TYR: variants seen among roughly 807,000 people sequenced by gnomAD.
The protein encoded by TYR is LB24-AB.
Under a neutral mutation model 51.5 loss-of-function variants are expected in TYR, and 58 were observed. That is an observed-to-expected ratio of 1.13 (90% CI 0.91 to 1.40). TYR has a LOEUF of 1.40. Ranked by LOEUF, TYR falls within the 40% of genes most tolerant of loss-of-function variation. The pLI is 0.00. For missense variants in TYR, 732 were observed against 647.4 expected, an observed-to-expected ratio of 1.13 and a Z score of -1.42; for synonymous variants, 263 against 235.2, an observed-to-expected ratio of 1.12 and a Z score of -1.08.
chr11:89,198,275 A>C (rs1465700543), intron 2 of TYR, among the ~76,000 whole-genome samples: 1 of 152,166 alleles, frequency 6.6e-6, no homozygotes, highest in Non-Finnish European at 1.5e-5. Context: ...TTTGACACTA[A>C]TTGTATAAAC....
At chr11:89,268,255 A>T (rs1411952177) in intron 3 of TYR, among the ~76,000 whole-genome samples, 1 of 151,940 alleles carries the variant, frequency 6.6e-6, no homozygotes, top group Non-Finnish European at 1.5e-5. Flanking sequence ...AACTCTCACT[A>T]CTGCTACCAT....
At chr11:89,219,416 C>T (rs982782307) in intron 2 of TYR, among the ~76,000 whole-genome samples, 1 of 151,710 alleles carries the variant, frequency 6.6e-6, no homozygotes, top group African/African-American at 2.4e-5. Flanking sequence ...CCTGCCTCAG[C>T]CTCTCGAGTA....
At chr11:89,235,144 C>T (rs1170792791) in intron 3 of TYR, among the ~76,000 whole-genome samples, 1 of 152,146 alleles carries the variant, frequency 6.6e-6, no homozygotes, top group Non-Finnish European at 1.5e-5. Context: ...TCACCTCTGA[C>T]TTGTTCAAAT....
At chr11:89,242,690 C>G (rs535559557) in intron 3 of TYR, among the ~76,000 whole-genome samples, 2 of 152,066 alleles carry the variant, frequency 1.3e-5, no homozygotes, top group Non-Finnish European at 2.9e-5. Flanking sequence ...TGGAAGAAAA[C>G]TTTTTTTACA....
chr11:89,293,064 A>G (rs1228408989), intron 4 of TYR, among the ~76,000 whole-genome samples: 2 of 152,176 alleles, frequency 1.3e-5, no homozygotes, highest in Admixed American at 6.5e-5. Flanking sequence ...TAGGAATTTT[A>G]CAAACTGTTC....
intron 3 of TYR, among the ~76,000 whole-genome samples, chr11:89,283,495 A>G (rs1944743039): frequency 6.6e-6 from 1 of 151,834 alleles, no homozygotes; most frequent in African/African-American, 2.4e-5. Flanking sequence ...CTAAGTAACG[A>G]TAGCTTATTA....
rs1238837002 is a variant in TYR at position 89,177,979 on chromosome 11, T to C, written c.26T>C (p.Leu9Pro). MLLAVLYCLLWSFQTSAGH... is the reference protein window; with the variant it reads MLLAVLYCPLWSFQTSAGH... ...ATGCTCCTGGCTGTTTTGTACTGCC[T>C]GCTGTGGAGTTTCCAGACCTCCGCT... Residue 9 changes from leucine (L) to proline (P), a missense_variant, in exon 1 of 5, where the codon CTG becomes CCG. Transcript: ENST00000263321. 1.2e-6 allele frequency: 2 copies of C among 1,614,082 alleles called. No homozygotes were observed. The highest frequency in any genetic ancestry group is 1.3e-5 in the African/African-American group (1 of 74,946).
At position 89,236,149 on chromosome 11, in the gene TYR, G is replaced by A. The variant is rs577685057; in HGVS notation, c.1184+8179G>A. Among the ~76,000 whole-genome samples the A allele has an allele frequency of 1.8e-3, 267 of 151,900 alleles. 3 individuals carry two copies. Among genetic ancestry groups the A allele is most frequent in the African/African-American group, 6.2e-3 (257 of 41,436 alleles). On this transcript the variant is annotated intron_variant, in intron 3 of 4. Coordinates refer to ENST00000263321, the MANE Select transcript of TYR (RefSeq NM_000372.5). ...ACCAAGACCACGTTGTTTGCAATGCGGAAAATATTTAATAGCTAGCCGTTT... is the reference window on the plus strand; with the variant it reads ...ACCAAGACCACGTTGTTTGCAATGCAGAAAATATTTAATAGCTAGCCGTTT...
chr11:89,239,450 C>T (rs1944163163), intron 3 of TYR, among the ~76,000 whole-genome samples: 1 of 151,684 alleles, frequency 6.6e-6, no homozygotes, highest in Admixed American at 6.6e-5. Context: ...TTTGCATCTT[C>T]TTTTTTTTCT....
intron 1 of TYR, among the ~76,000 whole-genome samples, chr11:89,189,830 C>T (rs901365607): frequency 1.3e-5 from 2 of 152,076 alleles, no homozygotes; most frequent in South Asian, 2.1e-4. Flanking sequence ...TTTTATGGCT[C>T]ATTCTGTAAC....
At chr11:89,179,022 T>A (rs12270717) in intron 1 of TYR, among the ~76,000 whole-genome samples, 3 of 152,082 alleles carry the variant, frequency 2.0e-5, no homozygotes, top group Non-Finnish European at 4.4e-5. Flanking sequence ...CTTGATTCAT[T>A]ATTGCATTTC....
intron 3 of TYR, among the ~76,000 whole-genome samples, chr11:89,257,421 A>C (rs1181356692): frequency 6.6e-6 from 1 of 152,044 alleles, no homozygotes; most frequent in East Asian, 1.9e-4. Context: ...GCCATTTCTG[A>C]TTAATTATTC....
At chr11:89,227,372 G>C (rs561701734) in intron 2 of TYR, among the ~76,000 whole-genome samples, 1 of 152,102 alleles carries the variant, frequency 6.6e-6, no homozygotes, top group Non-Finnish European at 1.5e-5. Flanking sequence ...CAAATTTTAC[G>C]CTTTCTCTGG....
intron 2 of TYR, among the ~76,000 whole-genome samples, chr11:89,215,433 T>G (rs1328056281): frequency 1.3e-5 from 2 of 152,088 alleles, no homozygotes; most frequent in East Asian, 3.9e-4. Flanking sequence ...AACGAGCTGA[T>G]GGGTGCAGCA....
intron 3 of TYR, among the ~76,000 whole-genome samples, chr11:89,250,648 T>A (rs1944319880): frequency 6.6e-6 from 1 of 151,938 alleles, no homozygotes; most frequent in Non-Finnish European, 1.5e-5. Context: ...GACTTGTAGA[T>A]GGCCATCTTC....
At chr11:89,253,309 G>A (rs991828034) in intron 3 of TYR, among the ~76,000 whole-genome samples, 3 of 151,632 alleles carry the variant, frequency 2.0e-5, no homozygotes, top group African/African-American at 7.3e-5. Flanking sequence ...TTTTTATTGA[G>A]GTATTTATTT....
chr11:89,190,334 G>A (rs1208513953), intron 1 of TYR, among the ~76,000 whole-genome samples: 2 of 152,076 alleles, frequency 1.3e-5, no homozygotes, highest in African/African-American at 4.8e-5. Flanking sequence ...GACAAGATGT[G>A]GAGGTGGAAG....
intron 3 of TYR, among the ~76,000 whole-genome samples, chr11:89,246,636 CT>C (rs1944271044): frequency 6.6e-6 from 1 of 152,130 alleles, no homozygotes; most frequent in Admixed American, 6.6e-5. Context: ...TTAATTACAT[CT>C]TCTGGAGTGA....
chr11:89,183,857 T>C (rs577699297), intron 1 of TYR, among the ~76,000 whole-genome samples: 41 of 152,154 alleles, frequency 2.7e-4, no homozygotes, highest in Non-Finnish European at 4.0e-4. Flanking sequence ...AAAATAATTA[T>C]GATAGTTGTC....
Sources: allele counts gnomAD v4.1 joint callset (sites outside exome capture counted in the v4.1 genomes callset), GRCh38; gene constraint gnomAD v4.1.1; transcripts MANE v1.5; gene names NCBI Gene and HGNC (gene_info 2026-07-23, HGNC 2026-07-21).